Variants in AKT3 observed in about 807,000 individuals in gnomAD.
AKT3 encodes RAC-gamma serine/threonine-protein kinase.
In AKT3, 15 loss-of-function variants were observed where a neutral mutation model predicts 65.3. The observed-to-expected ratio is 0.23, with a 90% CI of 0.15 to 0.35. The LOEUF is 0.35. Among genes scored for constraint, AKT3 ranks in the 10% least tolerant of loss-of-function variants. The pLI is 1.00. For synonymous variants in AKT3, 206 were observed against 183.8 expected (o/e 1.12, Z -0.98); for missense variants, 243 against 576.5 (o/e 0.42, Z 5.92).
intron 2 of AKT3, among the ~76,000 whole-genome samples, chr1:243,841,486 G>C (rs973688564): frequency 1.4e-4 from 21 of 152,076 alleles, no homozygotes; most frequent in Admixed American, 5.2e-4. Flanking sequence ...AATCAAAAAA[G>C]CCTTTATAAA....
At chr1:243,534,878 G>C (rs888755922) in intron 12 of AKT3, among the ~76,000 whole-genome samples, 11 of 151,868 alleles carry the variant, frequency 7.2e-5, no homozygotes, top group African/African-American at 1.9e-4. Context: ...GCACAAATTA[G>C]AAAAGATCGA....
At position 243,848,614 on chromosome 1, in the gene AKT3, T is replaced by TA. The variant is rs556335295; in HGVS notation, c.-113+1425dup. Among the ~76,000 whole-genome samples the TA allele has an allele frequency of 7.2e-4, 109 of 152,340 alleles. 1 individual carries two copies. The highest frequency in any genetic ancestry group is 1.3e-3 in the Admixed American group (20 of 15,310). ...CCACTGACAAAACCCAGTGGTTGCCTAGTGATGTATAGTTCTACTAAAAGA... is the reference window on the plus strand; with the variant it reads ...CCACTGACAAAACCCAGTGGTTGCCTAAGTGATGTATAGTTCTACTAAAAGA... On this transcript the variant is annotated intron_variant, in intron 1 of 13. Coordinates refer to ENST00000673466, the MANE Select transcript of AKT3 (RefSeq NM_005465.7).
At chr1:243,798,979 C>A (rs936600071) in intron 2 of AKT3, among the ~76,000 whole-genome samples, 14 of 152,168 alleles carry the variant, frequency 9.2e-5, no homozygotes, top group African/African-American at 3.4e-4. Context: ...GGGTAGTGAA[C>A]CCAGACAAGA....
chr1:243,533,933 T>C (rs1447030978), intron 12 of AKT3, among the ~76,000 whole-genome samples: 1 of 152,160 alleles, frequency 6.6e-6, no homozygotes, highest in African/African-American at 2.4e-5. Flanking sequence ...GAGCTTGCAG[T>C]GAGCCCAGAT....
downstream of AKT3, among the ~76,000 whole-genome samples, chr1:243,499,109 C>T (rs1574479777): frequency 1.3e-5 from 2 of 152,212 alleles, no homozygotes; most frequent in African/African-American, 4.8e-5. Context: ...AGGCCAGGAA[C>T]AGTATTCAAT....
chr1:243,736,429 ACT>A (rs566539688), intron 2 of AKT3, among the ~76,000 whole-genome samples: 2 of 152,328 alleles, frequency 1.3e-5, no homozygotes, highest in African/African-American at 4.8e-5. Context: ...CTTGATGCCC[ACT>A]GTTAATGGAA....
At chr1:243,540,727 G>A (rs748795135) in intron 12 of AKT3, among the ~76,000 whole-genome samples, 12 of 152,034 alleles carry the variant, frequency 7.9e-5, no homozygotes, top group Non-Finnish European at 1.3e-4. Flanking sequence ...ATCCCACATC[G>A]CAGTTAAGTC....
At chr1:243,613,649 C>T (rs1422512730) in intron 8 of AKT3, 22 bp downstream of exon 8, 2 of 1,540,832 alleles carry the variant, frequency 1.3e-6, no homozygotes, top group East Asian at 2.3e-5. Flanking sequence ...CATGCAAATA[C>T]TGGATTTACT....
chr1:243,584,826 T>C (rs1675669615), intron 8 of AKT3, among the ~76,000 whole-genome samples: 4 of 152,096 alleles, frequency 2.6e-5, no homozygotes, highest in Admixed American at 6.6e-5. Context: ...GCATTCCCCT[T>C]GAGAACTGGA....
intron 8 of AKT3, among the ~76,000 whole-genome samples, chr1:243,577,005 C>CA: frequency 6.6e-6 from 1 of 152,196 alleles, no homozygotes; most frequent in East Asian, 1.9e-4. Flanking sequence ...ACCAAAACAG[C>CA]ATGGTACTGG....
chr1:243,695,089 CTAAG>C (rs1041621859), intron 3 of AKT3, among the ~76,000 whole-genome samples: 21 of 151,954 alleles, frequency 1.4e-4, no homozygotes, highest in African/African-American at 4.3e-4. Flanking sequence ...TACAAAATTT[CTAAG>C]TAAGTTTTAA....
At chr1:243,657,999 A>C (rs1681950391) in intron 4 of AKT3, among the ~76,000 whole-genome samples, 1 of 152,184 alleles carries the variant, frequency 6.6e-6, no homozygotes, top group Admixed American at 6.5e-5. Flanking sequence ...AAGAATAAAT[A>C]TAAGACATGA....
At chr1:243,819,907 G>T (rs1357905834) in intron 2 of AKT3, among the ~76,000 whole-genome samples, 1 of 152,060 alleles carries the variant, frequency 6.6e-6, no homozygotes, top group Non-Finnish European at 1.5e-5. Context: ...CAGCCCTACG[G>T]GAGAGGGGCC....
At chr1:243,595,764 A>G (rs1676565198) in intron 8 of AKT3, among the ~76,000 whole-genome samples, 1 of 152,168 alleles carries the variant, frequency 6.6e-6, no homozygotes, top group Non-Finnish European at 1.5e-5. Flanking sequence ...GTCATCTCCT[A>G]CGCTAACAAT....
chr1:243,508,870 T>C (rs1308777455), intron 13 of AKT3, among the ~76,000 whole-genome samples: 2 of 151,908 alleles, frequency 1.3e-5, no homozygotes, highest in African/African-American at 2.4e-5. Context: ...GGTTTCACCA[T>C]GTTGGCCAGG....
chr1:243,746,656 G>C (rs1688487529), intron 2 of AKT3, among the ~76,000 whole-genome samples: 1 of 152,216 alleles, frequency 6.6e-6, no homozygotes, highest in East Asian at 1.9e-4. Context: ...CAGAAAAGAT[G>C]AGGGGTCTCA....
chr1:243,568,391 T>C (rs10927040), intron 9 of AKT3, among the ~76,000 whole-genome samples: 33,335 of 151,924 alleles, frequency 0.22, 3,867 homozygotes, highest in African/African-American at 0.28. Flanking sequence ...ATGCTTACTA[T>C]TTCTATCAGA....
At chr1:243,592,257 C>T (rs1466836784) in intron 8 of AKT3, among the ~76,000 whole-genome samples, 1 of 151,912 alleles carries the variant, frequency 6.6e-6, no homozygotes, top group Non-Finnish European at 1.5e-5. Flanking sequence ...ATGGCGTGAA[C>T]CCAGGAGGCG....
chr1:243,733,884 G>A (rs748310992), intron 2 of AKT3, among the ~76,000 whole-genome samples: 8 of 152,122 alleles, frequency 5.3e-5, no homozygotes, highest in Admixed American at 1.3e-4. Context: ...CCTTCAATTT[G>A]TACAAAATGC....
Sources: gnomAD v4.1 joint callset for allele counts (sites outside exome capture counted in the v4.1 genomes callset) on GRCh38, gnomAD v4.1.1 for gene constraint, MANE v1.5 for transcripts, NCBI Gene and HGNC (gene_info 2026-07-23, HGNC 2026-07-21) for gene names.